The following SORCS2 variants were observed in gnomAD, a reference collection of about 807,000 sequenced individuals.
The protein encoded by SORCS2 is sortilin related VPS10 domain containing receptor 2.
In SORCS2, 100 loss-of-function variants were observed where a neutral mutation model predicts 141.6. That is an observed-to-expected ratio of 0.71 (90% CI 0.60 to 0.83). The LOEUF (loss-of-function observed/expected upper bound fraction) is 0.83, where lower values mean the gene tolerates loss of function less well. Among genes scored for constraint, SORCS2 ranks in the 40% least tolerant of loss-of-function variants. The probability of loss-of-function intolerance (pLI) is 0.00; values close to 1 mark genes in which losing one functional copy is unlikely to be tolerated. For synonymous variants in SORCS2, 789 were observed against 676.9 expected (o/e 1.17, Z -2.57); for missense variants, 1,646 against 1,560.2 (o/e 1.05, Z -0.93).
chr4:7,695,040 G>A (rs1724509887), intron 11 of SORCS2, among the ~76,000 whole-genome samples: 1 of 151,782 alleles, frequency 6.6e-6, no homozygotes, highest in Admixed American at 6.6e-5. Context: ...CAGGGAGCAT[G>A]GGCCACAGCT....
In SORCS2 at chr4:7,433,607, C is replaced by A. The variant is rs751759950; in HGVS notation, c.548+37252C>A. The A allele has an allele frequency of 5.0e-6, 8 of 1,611,544 alleles. No individual in the cohort carries two copies. In the East Asian group the frequency reaches 1.3e-4, roughly 27 times the overall value. ...GGCAGCGGCAGGATGCTGCAGCCAC[C>A]CTTGAAGGCCACCAGGATGTCTCGC... On this transcript the variant is annotated intron_variant, in intron 2 of 26. Transcript: ENST00000507866.
intron 1 of SORCS2, among the ~76,000 whole-genome samples, chr4:7,270,919 G>C (rs946300941): frequency 1.3e-5 from 2 of 152,242 alleles, no homozygotes; most frequent in African/African-American, 4.8e-5. Context: ...GTTCTCTCCA[G>C]TTCTCGCTTG....
chr4:7,337,483 A>G (rs1720058230), intron 1 of SORCS2, among the ~76,000 whole-genome samples: 1 of 152,098 alleles, frequency 6.6e-6, no homozygotes, highest in South Asian at 2.1e-4. Flanking sequence ...GGAGAGTTCC[A>G]GGTAGCAGGG....
chr4:7,434,080 A>C (rs1157974400), intron 2 of SORCS2: 7 of 1,611,670 alleles, frequency 4.3e-6, no homozygotes, highest in Non-Finnish European at 5.9e-6. Flanking sequence ...GTCCATGGCC[A>C]CTACTTGAGT....
intron 1 of SORCS2, among the ~76,000 whole-genome samples, chr4:7,211,006 T>C (rs1043862400): frequency 5.9e-5 from 9 of 152,204 alleles, no homozygotes; most frequent in Non-Finnish European, 8.8e-5. Flanking sequence ...GCTCCACTGC[T>C]CCTTGGAATG....
chr4:7,614,362 T>C (rs927733681), intron 3 of SORCS2, among the ~76,000 whole-genome samples: 1 of 150,202 alleles, frequency 6.7e-6, no homozygotes, highest in Non-Finnish European at 1.5e-5. Flanking sequence ...CCATCCACCA[T>C]GAATCCATCC....
chr4:7,339,516 G>A (rs10011842), intron 1 of SORCS2, among the ~76,000 whole-genome samples: 45,958 of 152,060 alleles, frequency 0.3, 7,052 homozygotes, highest in East Asian at 0.4. Flanking sequence ...GGGGCTGCTG[G>A]CCATCCTTGG....
chr4:7,709,315 T>C (rs2012263), intron 14 of SORCS2, among the ~76,000 whole-genome samples: 145,732 of 152,222 alleles, frequency 0.96, 69,785 homozygotes, highest in East Asian at 1. Flanking sequence ...GAGCCGTGAA[T>C]GAGCCTGTCT....
At chr4:7,640,054 A>C (rs28972550) in intron 4 of SORCS2, among the ~76,000 whole-genome samples, 3 of 77,056 alleles carry the variant, frequency 3.9e-5, no homozygotes, top group South Asian at 1.3e-3. Flanking sequence ...TGAGAGTGTG[A>C]GTGTGTGTGT....
chr4:7,443,477 G>C (rs1268994255), intron 2 of SORCS2, among the ~76,000 whole-genome samples: 1 of 152,222 alleles, frequency 6.6e-6, no homozygotes, highest in African/African-American at 2.4e-5. Context: ...GACGCAGGGA[G>C]TTTTGGGAGC....
chr4:7,598,093 T>C (rs965369719), intron 3 of SORCS2, among the ~76,000 whole-genome samples: 5 of 151,914 alleles, frequency 3.3e-5, no homozygotes, highest in Non-Finnish European at 1.5e-5. Context: ...CTCAGCCTTC[T>C]GAGTAGTTGG....
chr4:7,701,658 G>A (rs566167922), intron 12 of SORCS2, among the ~76,000 whole-genome samples: 27 of 152,298 alleles, frequency 1.8e-4, no homozygotes, highest in Non-Finnish European at 2.6e-4. Context: ...AGGGCCAAGG[G>A]TGTGGCCTGC....
chr4:7,540,843 C>A (rs1319639200), intron 3 of SORCS2, among the ~76,000 whole-genome samples: 1 of 152,220 alleles, frequency 6.6e-6, no homozygotes, highest in Non-Finnish European at 1.5e-5. Context: ...GTCATGTGGA[C>A]TGTTAAATGG....
At chr4:7,645,481 ATG>A (rs369514099) in intron 4 of SORCS2, among the ~76,000 whole-genome samples, 1 of 151,906 alleles carries the variant, frequency 6.6e-6, no homozygotes, top group African/African-American at 2.4e-5. Flanking sequence ...ATGTGTGTAC[ATG>A]TGTGTGTGAG....
chr4:7,679,141 T>C (rs776751473), intron 9 of SORCS2, among the ~76,000 whole-genome samples: 7 of 151,824 alleles, frequency 4.6e-5, no homozygotes, highest in Non-Finnish European at 8.8e-5. Context: ...AAAAAATGTT[T>C]GGTACAGACG....
At chr4:7,534,952 A>G (rs6446608) in intron 3 of SORCS2, among the ~76,000 whole-genome samples, 151,810 of 152,338 alleles carry the variant, frequency 1, 75,645 homozygotes, top group Middle Eastern at 1. Context: ...AGGGAGGCCG[A>G]GGCTCCTGCT....
At chr4:7,381,795 C>T (rs1425314420) in intron 1 of SORCS2, 3 of 467,902 alleles carry the variant, frequency 6.4e-6, no homozygotes, top group African/African-American at 6.4e-5. Flanking sequence ...TGGACTGCAG[C>T]CATGTGCAGC....
chr4:7,570,691 C>A (rs1250393265), intron 3 of SORCS2, among the ~76,000 whole-genome samples: 1 of 152,136 alleles, frequency 6.6e-6, no homozygotes, highest in African/African-American at 2.4e-5. Flanking sequence ...GCTTTTGTCC[C>A]CTTCCCTCCC....
intron 1 of SORCS2, among the ~76,000 whole-genome samples, chr4:7,260,426 AT>A (rs1714243513): frequency 6.6e-6 from 1 of 152,152 alleles, no homozygotes; most frequent in African/African-American, 2.4e-5. Context: ...GCTATGATTG[AT>A]CCATCAATGG....
Sources: gnomAD v4.1 joint callset for allele counts (sites outside exome capture counted in the v4.1 genomes callset) on GRCh38, gnomAD v4.1.1 for gene constraint, MANE v1.5 for transcripts, NCBI Gene and HGNC (gene_info 2026-07-23, HGNC 2026-07-21) for gene names.